Variants in DSCAM observed in about 807,000 individuals in gnomAD.
The protein encoded by DSCAM is cell adhesion molecule DSCAM.
DSCAM carries 47 observed loss-of-function variants against 217.7 expected under a neutral mutation model. The ratio of observed to expected loss-of-function variants is 0.22; its 90% confidence interval spans 0.17 to 0.28. The LOEUF is 0.28. DSCAM is among the 10% of genes least tolerant of loss of function. DSCAM has a pLI of 1.00. For missense variants in DSCAM, 2,080 were observed against 2,618.3 expected (o/e 0.79, Z 4.49); for synonymous variants, 1,056 against 1,015.3 (o/e 1.04, Z -0.76).
intron 3 of DSCAM, among the ~76,000 whole-genome samples, chr21:40,529,600 C>A (rs1281493758): frequency 6.6e-6 from 1 of 152,062 alleles, no homozygotes; most frequent in Non-Finnish European, 1.5e-5. Flanking sequence ...TCCCTCATAT[C>A]AGCACCTGCC....
intron 1 of DSCAM, among the ~76,000 whole-genome samples, chr21:40,817,592 C>T (rs1452986851): frequency 2.0e-5 from 3 of 152,136 alleles, no homozygotes; most frequent in Non-Finnish European, 2.9e-5. Flanking sequence ...ATGCATAATG[C>T]ATTGTGCCAT....
At chr21:40,785,549 C>T (rs902902048) in intron 1 of DSCAM, among the ~76,000 whole-genome samples, 4 of 152,222 alleles carry the variant, frequency 2.6e-5, no homozygotes, top group Admixed American at 6.5e-5. Flanking sequence ...AAAAGTAAGG[C>T]TTTCGTATGC....
intron 1 of DSCAM, among the ~76,000 whole-genome samples, chr21:40,743,379 C>T (rs979792410): frequency 1.3e-5 from 2 of 152,188 alleles, no homozygotes; most frequent in Non-Finnish European, 2.9e-5. Context: ...GTTGTCATTT[C>T]TCACAATAAT....
chr21:40,727,969 C>T (rs1280774232), intron 1 of DSCAM, among the ~76,000 whole-genome samples: 4 of 152,298 alleles, frequency 2.6e-5, no homozygotes, highest in South Asian at 4.1e-4. Context: ...CTCCCTCCAC[C>T]TGGGATGTTT....
chr21:40,242,778 C>T (rs1198501786), intron 11 of DSCAM, among the ~76,000 whole-genome samples: 1 of 152,212 alleles, frequency 6.6e-6, no homozygotes, highest in African/African-American at 2.4e-5. Context: ...CCACAGTGGG[C>T]ATATTGTGTG....
intron 1 of DSCAM, among the ~76,000 whole-genome samples, chr21:40,836,173 T>G (rs898463966): frequency 1.3e-4 from 20 of 152,264 alleles, no homozygotes; most frequent in African/African-American, 4.1e-4. Context: ...ACCCAAATGG[T>G]TTCCCACTAT....
At chr21:40,701,521 T>C (rs988908688) in intron 2 of DSCAM, among the ~76,000 whole-genome samples, 1 of 152,166 alleles carries the variant, frequency 6.6e-6, no homozygotes, top group African/African-American at 2.4e-5. Context: ...GACCACTATT[T>C]AAGACTTTTT....
At chr21:40,403,454 T>G (rs968829290) in intron 3 of DSCAM, among the ~76,000 whole-genome samples, 1 of 152,104 alleles carries the variant, frequency 6.6e-6, no homozygotes, top group Non-Finnish European at 1.5e-5. Context: ...AAATCTATTT[T>G]ACAAAGAATA....
At chr21:40,400,492 CTGAGG>C (rs1223011396) in intron 3 of DSCAM, among the ~76,000 whole-genome samples, 2 of 152,114 alleles carry the variant, frequency 1.3e-5, no homozygotes, top group Non-Finnish European at 2.9e-5. Flanking sequence ...GAATATTCTA[CTGAGG>C]TAAGTTTTTT....
chr21:40,831,465 G>C (rs183137950), intron 1 of DSCAM, among the ~76,000 whole-genome samples: 4 of 152,162 alleles, frequency 2.6e-5, no homozygotes, highest in Non-Finnish European at 5.9e-5. Context: ...AGATTCAGAC[G>C]CTTACTAACA....
intron 32 of DSCAM, among the ~76,000 whole-genome samples, chr21:40,033,635 C>T (rs2146454698): frequency 6.6e-6 from 1 of 151,928 alleles, no homozygotes; most frequent in African/African-American, 2.4e-5. Flanking sequence ...CTTAGATAAA[C>T]AAAGCAGCCA....
intron 3 of DSCAM, among the ~76,000 whole-genome samples, chr21:40,558,582 A>G (rs187049057): frequency 1.7e-4 from 26 of 152,340 alleles, no homozygotes; most frequent in Admixed American, 1.7e-3. Context: ...CGGATAATCA[A>G]ATGATCTGGG....
intron 3 of DSCAM, among the ~76,000 whole-genome samples, chr21:40,443,105 T>C (rs2075646186): frequency 1.3e-5 from 2 of 152,248 alleles, no homozygotes; most frequent in South Asian, 4.1e-4. Context: ...TCATATCGTG[T>C]TGATAAAAAT....
intron 1 of DSCAM, among the ~76,000 whole-genome samples, chr21:40,836,207 G>GT (rs1301750871): frequency 6.6e-6 from 1 of 152,186 alleles, no homozygotes; most frequent in African/African-American, 2.4e-5. Context: ...GGAGCTTCAT[G>GT]GTTACAGGCA....
At chr21:40,581,209 C>A (rs1241466615) in intron 3 of DSCAM, among the ~76,000 whole-genome samples, 4 of 152,172 alleles carry the variant, frequency 2.6e-5, no homozygotes, top group African/African-American at 9.7e-5. Flanking sequence ...CTGGGGAATG[C>A]GCTGCAGCCT....
At chr21:40,660,774 A>G (rs1468559028) in intron 3 of DSCAM, among the ~76,000 whole-genome samples, 1 of 152,228 alleles carries the variant, frequency 6.6e-6, no homozygotes, top group Non-Finnish European at 1.5e-5. Flanking sequence ...CTCTGCCATT[A>G]TATGTCCTTG....
chr21:40,457,754 C>T (rs938700644), intron 3 of DSCAM, among the ~76,000 whole-genome samples: 1 of 152,060 alleles, frequency 6.6e-6, no homozygotes, highest in African/African-American at 2.4e-5. Flanking sequence ...CATATGCCTC[C>T]CTTTGGACCA....
chr21:40,132,855 T>C (rs917356923), intron 19 of DSCAM, among the ~76,000 whole-genome samples: 1 of 152,192 alleles, frequency 6.6e-6, no homozygotes, highest in Non-Finnish European at 1.5e-5. Context: ...GCATTTTTGA[T>C]ACTCTAGTAG....
intron 32 of DSCAM, among the ~76,000 whole-genome samples, chr21:40,015,417 C>CTTTTTTTTTT (rs5843993): frequency 6.9e-6 from 1 of 145,502 alleles, no homozygotes; most frequent in Non-Finnish European, 1.5e-5. Context: ...TCTCTTGACT[C>CTTTTTTTTTT]TTTTTTTTTT....
Sources: allele counts gnomAD v4.1 joint callset (sites outside exome capture counted in the v4.1 genomes callset), GRCh38; gene constraint gnomAD v4.1.1; transcripts MANE v1.5; gene names NCBI Gene and HGNC (gene_info 2026-07-23, HGNC 2026-07-21).